The following DNAJC1 variants were observed in gnomAD, a reference collection of about 807,000 sequenced individuals.
The protein encoded by DNAJC1 is DnaJ heat shock protein family (Hsp40) member C1, also known as dnaJ homolog subfamily C member 1.
A neutral mutation model predicts 76.6 loss-of-function variants in DNAJC1; 58 were observed. That is an observed-to-expected ratio of 0.76 (90% CI 0.61 to 0.94). The LOEUF (loss-of-function observed/expected upper bound fraction) is 0.94, where lower values mean the gene tolerates loss of function less well. DNAJC1 is among the 40% of genes least tolerant of loss of function. The pLI is 0.00. For synonymous variants in DNAJC1, 258 were observed against 267.9 expected, an observed-to-expected ratio of 0.96 and a Z score of 0.36; for missense variants, 689 against 677.3, an observed-to-expected ratio of 1.02 and a Z score of -0.19.
chr10:21,838,884 A>T (rs1434906407), intron 8 of DNAJC1, among the ~76,000 whole-genome samples: 5 of 152,238 alleles, frequency 3.3e-5, no homozygotes, highest in African/African-American at 1.2e-4. Flanking sequence ...AAAGAAAAGA[A>T]ATTATAACAA....
At chr10:21,778,584 A>G (rs1321699121) in intron 9 of DNAJC1, among the ~76,000 whole-genome samples, 3 of 152,206 alleles carry the variant, frequency 2.0e-5, no homozygotes, top group Admixed American at 2.0e-4. Flanking sequence ...GATTAATTAG[A>G]ACTGTACTTA....
intron 1 of DNAJC1, among the ~76,000 whole-genome samples, chr10:21,941,095 CAAAAAAAAAAA>C (rs1208799870): frequency 2.8e-4 from 11 of 39,166 alleles, no homozygotes; most frequent in South Asian, 9.8e-4. Context: ...ACTAAAAATA[CAAAAAAAAAAA>C]AAAAAAAAAA....
At chr10:21,982,243 T>C (rs929685992) in intron 1 of DNAJC1, among the ~76,000 whole-genome samples, 1 of 152,152 alleles carries the variant, frequency 6.6e-6, no homozygotes, top group African/African-American at 2.4e-5. Context: ...ATCATATATA[T>C]AAATTGACTT....
At chr10:21,760,510 C>T (rs1834228273) in intron 10 of DNAJC1, among the ~76,000 whole-genome samples, 1 of 152,168 alleles carries the variant, frequency 6.6e-6, no homozygotes, top group Non-Finnish European at 1.5e-5. Flanking sequence ...GAAAGTATGA[C>T]AATACCCAGT....
intron 8 of DNAJC1, among the ~76,000 whole-genome samples, chr10:21,879,614 ACT>A (rs1836239981): frequency 6.6e-6 from 1 of 152,080 alleles, no homozygotes; most frequent in Non-Finnish European, 1.5e-5. Context: ...ACAGAGAGAG[ACT>A]CTGTCTCAAA....
chr10:21,950,759 G>A (rs1282333301), intron 1 of DNAJC1, among the ~76,000 whole-genome samples: 3 of 152,182 alleles, frequency 2.0e-5, no homozygotes, highest in Non-Finnish European at 4.4e-5. Context: ...CTCATACGGA[G>A]AAAGTGTGAG....
chr10:21,875,628 T>C (rs1222865907), intron 8 of DNAJC1, among the ~76,000 whole-genome samples: 6 of 152,076 alleles, frequency 3.9e-5, no homozygotes, highest in Admixed American at 1.3e-4. Context: ...AGAGAAACCA[T>C]TAGAATTAAA....
At chr10:21,841,734 C>T (rs1835577903) in intron 8 of DNAJC1, among the ~76,000 whole-genome samples, 1 of 152,036 alleles carries the variant, frequency 6.6e-6, no homozygotes, top group Admixed American at 6.5e-5. Flanking sequence ...ACCATTTGAC[C>T]CAGCCATCCC....
At chr10:21,851,916 G>C (rs1835761170) in intron 8 of DNAJC1, among the ~76,000 whole-genome samples, 1 of 151,936 alleles carries the variant, frequency 6.6e-6, no homozygotes, top group Non-Finnish European at 1.5e-5. Flanking sequence ...TAGCTGGCCT[G>C]GTGGCGGGCG....
Position 22,003,406 on chromosome 10 carries a change from T to C in DNAJC1, c.29A>G (p.Gln10Arg), listed in dbSNP as rs988754351. The change falls in exon 1 of 12, where the codon CAG (glutamine) becomes CGG (arginine). Residue 10 changes from glutamine (Q) to arginine (R), a missense_variant. By Grantham distance (43) the Gln-to-Arg change is conservative. Transcript: ENST00000376980. Reference protein sequence around the residue: MTAPCSQPAQLPGRRQLGLV... With the variant: MTAPCSQPARLPGRRQLGLV... ...CCCGAGCTGGCGGCGTCCAGGAAGC[T>C]GCGCCGGCTGGGAGCAAGGAGCCGT... The C allele has an allele frequency of 7.3e-7, 1 of 1,372,104 alleles. No homozygotes were observed. The highest frequency in any genetic ancestry group is 9.4e-7 in the Non-Finnish European group (1 of 1,065,038). 85.0% of individuals were successfully genotyped at this position (1,372,104 alleles called of 1,614,324 possible).
intron 1 of DNAJC1, among the ~76,000 whole-genome samples, chr10:21,976,033 T>C (rs1400657863): frequency 6.6e-6 from 1 of 152,162 alleles, no homozygotes; most frequent in Non-Finnish European, 1.5e-5. Flanking sequence ...ACTGAAGAGG[T>C]CCATAAATTA....
intron 8 of DNAJC1, among the ~76,000 whole-genome samples, chr10:21,824,207 G>A (rs747908951): frequency 6.6e-6 from 1 of 152,146 alleles, no homozygotes; most frequent in Non-Finnish European, 1.5e-5. Context: ...TTGCTCTTCT[G>A]AAGGAATACT....
At chr10:21,823,393 T>C (rs1835191715) in intron 8 of DNAJC1, among the ~76,000 whole-genome samples, 1 of 152,198 alleles carries the variant, frequency 6.6e-6, no homozygotes, top group South Asian at 2.1e-4. Flanking sequence ...CCATTGATGA[T>C]GCTCATATAT....
chr10:21,899,543 G>A (rs1213989903), intron 7 of DNAJC1, among the ~76,000 whole-genome samples: 1 of 151,684 alleles, frequency 6.6e-6, no homozygotes, highest in Non-Finnish European at 1.5e-5. Flanking sequence ...AATGAGAAAG[G>A]ATCCCCCAAC....
At chr10:21,790,538 C>T (rs960902053) in intron 9 of DNAJC1, among the ~76,000 whole-genome samples, 2 of 145,228 alleles carry the variant, frequency 1.4e-5, no homozygotes, top group Non-Finnish European at 3.0e-5. Context: ...CCAAAGAATA[C>T]TGTACCCAGC....
intron 8 of DNAJC1, among the ~76,000 whole-genome samples, chr10:21,813,016 T>TAC (rs1471089277): frequency 4.3e-4 from 35 of 82,300 alleles, no homozygotes; most frequent in Middle Eastern, 4.9e-3. Context: ...AAAAGACATA[T>TAC]ACACACACAT....
chr10:21,879,039 T>A (rs1022828794), intron 8 of DNAJC1, among the ~76,000 whole-genome samples: 20 of 152,198 alleles, frequency 1.3e-4, no homozygotes, highest in Admixed American at 1.2e-3. Context: ...TAGGAAATGA[T>A]GCTATTTATA....
chr10:21,821,349 T>A (rs1192347308), intron 8 of DNAJC1, among the ~76,000 whole-genome samples: 2 of 152,276 alleles, frequency 1.3e-5, no homozygotes, highest in Non-Finnish European at 2.9e-5. Context: ...TACAGTGGTA[T>A]ATAGTTTTAC....
chr10:21,919,720 C>A (rs1837010083), intron 5 of DNAJC1, 112 bp downstream of exon 5: 1 of 679,204 alleles, frequency 1.5e-6, no homozygotes, highest in South Asian at 2.5e-5. Context: ...TATAAGACTA[C>A]CACAGATATA....
Sources: allele counts gnomAD v4.1 joint callset (sites outside exome capture counted in the v4.1 genomes callset), GRCh38; gene constraint gnomAD v4.1.1; transcripts MANE v1.5; gene names NCBI Gene and HGNC (gene_info 2026-07-23, HGNC 2026-07-21).